MYO3B: variants seen among roughly 807,000 people sequenced by gnomAD.
The protein encoded by MYO3B is myosin-IIIb.
Under a neutral mutation model 174.6 loss-of-function variants are expected in MYO3B, and 156 were observed. That is an observed-to-expected ratio of 0.89 (90% confidence interval 0.78 to 1.02). The LOEUF (loss-of-function observed/expected upper bound fraction) is 1.02. MYO3B is among the 50% of genes least tolerant of loss of function. The probability of loss-of-function intolerance (pLI) is 0.00; values close to 1 mark genes in which losing one functional copy is unlikely to be tolerated. For missense variants in MYO3B, 1,632 were observed against 1,639.4 expected (o/e 1.00, Z 0.08); for synonymous variants, 563 against 569.1 (o/e 0.99, Z 0.15).
At chr2:170,500,134 AAACT>A (rs1220058691) in intron 27 of MYO3B, among the ~76,000 whole-genome samples, 2 of 152,194 alleles carry the variant, frequency 1.3e-5, no homozygotes, top group Non-Finnish European at 2.9e-5. Flanking sequence ...TCTATAAAAC[AAACT>A]GAGAAAGACA....
At chr2:170,523,583 AG>A (rs1169467299) in intron 30 of MYO3B, among the ~76,000 whole-genome samples, 1 of 152,202 alleles carries the variant, frequency 6.6e-6, no homozygotes, top group Middle Eastern at 3.2e-3. Context: ...TCGAGACAAA[AG>A]GTCCAAAGAC....
At chr2:170,574,574 A>G (rs1201342578) in intron 32 of MYO3B, among the ~76,000 whole-genome samples, 1 of 152,206 alleles carries the variant, frequency 6.6e-6, no homozygotes, top group Non-Finnish European at 1.5e-5. Flanking sequence ...ACATGGATCT[A>G]ATTTTAAGAA....
At chr2:170,213,849 G>T (rs918744033) in intron 3 of MYO3B, among the ~76,000 whole-genome samples, 1 of 152,158 alleles carries the variant, frequency 6.6e-6, no homozygotes, top group Non-Finnish European at 1.5e-5. Flanking sequence ...ATCTGCAATG[G>T]CAGTTCTAGG....
At chr2:170,282,658 A>T (rs12618128) in intron 7 of MYO3B, among the ~76,000 whole-genome samples, 3 of 151,680 alleles carry the variant, frequency 2.0e-5, no homozygotes, top group Admixed American at 6.6e-5. Flanking sequence ...ATCATATTTT[A>T]ATAGGGATGC....
chr2:170,221,673 A>G (rs1411783304), intron 6 of MYO3B, among the ~76,000 whole-genome samples: 1 of 152,194 alleles, frequency 6.6e-6, no homozygotes, highest in East Asian at 1.9e-4. Flanking sequence ...CTTTGAAACA[A>G]TACTACTGGG....
At chr2:170,401,311 A>G (rs2094474473) in intron 17 of MYO3B, among the ~76,000 whole-genome samples, 170 bp from the exon 18 acceptor site, 1 of 152,014 alleles carries the variant, frequency 6.6e-6, no homozygotes, top group African/African-American at 2.4e-5. Context: ...AGTTTGGGAG[A>G]TACTGTGTCA....
At chr2:170,434,545 G>A (rs2094736739) in intron 22 of MYO3B, among the ~76,000 whole-genome samples, 1 of 152,170 alleles carries the variant, frequency 6.6e-6, no homozygotes, top group African/African-American at 2.4e-5. Context: ...ATTGGCTAAT[G>A]TAAAGAGAAT....
intron 16 of MYO3B, among the ~76,000 whole-genome samples, chr2:170,398,228 GAA>G (rs34432719): frequency 1.0e-4 from 9 of 87,954 alleles, no homozygotes; most frequent in South Asian, 4.1e-4. Flanking sequence ...TGTCTCAAAA[GAA>G]AAAAAAAAAA....
At chr2:170,333,776 A>G (rs2093928043) in intron 7 of MYO3B, 1 of 152,132 alleles carries the variant, frequency 6.6e-6, no homozygotes, top group South Asian at 2.1e-4. Flanking sequence ...GACTCCCTAG[A>G]TTGAGTAAGC....
rs1434470070 is a variant in MYO3B, at chr2:170,608,652, G to C, written c.3734-42976G>C. ...TCGTGGTCCCAGTATGCTTCAGCTG[G>C]CTTATTCAAGCCCAAAGAGAGAGAG... On this transcript the variant is annotated intron_variant, in intron 32 of 34. Coordinates refer to ENST00000408978, the MANE Select transcript of MYO3B (RefSeq NM_138995.5). Among the ~76,000 whole-genome samples, 3 of 151,964 alleles carry C rather than the reference G, an allele frequency of 2.0e-5. No individual in the cohort carries two copies. In the East Asian group the frequency reaches 5.8e-4, roughly 29 times the overall value.
In MYO3B at chr2:170,400,265, A is replaced by G; in HGVS notation, c.1869A>G (p.Gln623=). 6.2e-7 allele frequency: 1 copy of G among 1,613,386 alleles called. No individual in the cohort carries two copies. Reference sequence around the variant, plus strand: ...TTGAGTTCGCAGCTATTTCCTCTCAACATCAGACTGATAAAAGTGAGGTGC... The same window carrying G: ...TTGAGTTCGCAGCTATTTCCTCTCAGCATCAGACTGATAAAAGTGAGGTGC... ...GNIEFAAISS[Q]HQTDKSEVPN... is the part of the protein sequence containing the mutation. Residue 623 remains glutamine (Q), a synonymous_variant, in exon 17 of 35, where the codon CAA becomes CAG. Coordinates refer to ENST00000408978, the MANE Select transcript of MYO3B (RefSeq NM_138995.5).
chr2:170,216,582 T>A (rs983049128), intron 5 of MYO3B, among the ~76,000 whole-genome samples: 6 of 152,152 alleles, frequency 3.9e-5, no homozygotes, highest in African/African-American at 7.2e-5. Context: ...AGAATTCAGG[T>A]CCCCAACATT....
At chr2:170,600,293 A>C (rs1356924543) in intron 32 of MYO3B, among the ~76,000 whole-genome samples, 2 of 152,216 alleles carry the variant, frequency 1.3e-5, no homozygotes, top group Non-Finnish European at 2.9e-5. Context: ...TAAAATTATA[A>C]GAACGCTATT....
intron 23 of MYO3B, among the ~76,000 whole-genome samples, chr2:170,456,043 CA>C (rs1173386065): frequency 2.0e-5 from 3 of 151,938 alleles, no homozygotes; most frequent in African/African-American, 7.3e-5. Flanking sequence ...AAAATGCATA[CA>C]GATGTATTAA....
intron 25 of MYO3B, among the ~76,000 whole-genome samples, chr2:170,475,309 G>T (rs1311046316): frequency 6.6e-6 from 1 of 152,130 alleles, no homozygotes; most frequent in African/African-American, 2.4e-5. Flanking sequence ...GGAGTGCAGT[G>T]GCATGATCAT....
chr2:170,383,707 C>T lies in MYO3B; in HGVS notation c.1186-3C>T, dbSNP rs146172688. On this transcript the variant is annotated splice_region_variant and splice_polypyrimidine_tract_variant and intron_variant, in intron 11 of 34. Coordinates refer to ENST00000408978, the MANE Select transcript of MYO3B (RefSeq NM_138995.5). ...GAGTTTCCTTTAATTATTTTTCCTT[C>T]AGTTTTCCAGACTTTATCATGGGGT... 1,404 of 1,610,158 alleles carry T rather than the reference C, an allele frequency of 8.7e-4. 10 individuals are homozygous for T. The African/African-American group carries it at 0.014, about 16-fold the overall frequency.
intron 22 of MYO3B, among the ~76,000 whole-genome samples, chr2:170,415,221 T>C (rs959237923): frequency 6.6e-6 from 1 of 152,244 alleles, no homozygotes; most frequent in Non-Finnish European, 1.5e-5. Context: ...TTTATGTAGG[T>C]GCCTTTGCAC....
At chr2:170,358,610 T>C (rs2094139662) in intron 8 of MYO3B, among the ~76,000 whole-genome samples, 1 of 152,226 alleles carries the variant, frequency 6.6e-6, no homozygotes, top group South Asian at 2.1e-4. Flanking sequence ...AAACCTATTA[T>C]AAGAATTATT....
chr2:170,183,633 AT>A (rs2092430218), intron 1 of MYO3B, among the ~76,000 whole-genome samples: 2 of 151,990 alleles, frequency 1.3e-5, no homozygotes, highest in African/African-American at 2.4e-5. Flanking sequence ...TCCACTATTT[AT>A]TTTATATTCA....
Sources: allele counts gnomAD v4.1 joint callset (sites outside exome capture counted in the v4.1 genomes callset), GRCh38; gene constraint gnomAD v4.1.1; transcripts MANE v1.5; gene names NCBI Gene and HGNC (gene_info 2026-07-23, HGNC 2026-07-21).